The following MROH2B variants were observed in gnomAD, a reference collection of about 807,000 sequenced individuals.
MROH2B encodes the protein maestro heat like repeat family member 2B.
Under a neutral mutation model 208.6 loss-of-function variants are expected in MROH2B, and 177 were observed. The observed-to-expected ratio is 0.85, with a 90% CI of 0.75 to 0.96. The LOEUF (loss-of-function observed/expected upper bound fraction) is 0.96, where lower values mean the gene tolerates loss of function less well. MROH2B is among the 40% of genes least tolerant of loss of function. The pLI is 0.00. For synonymous variants in MROH2B, 728 were observed against 659.0 expected (o/e 1.10, Z -1.60); for missense variants, 2,002 against 1,878.7 (o/e 1.07, Z -1.21).
At position 41,009,335 on chromosome 5, in the gene MROH2B, AT is replaced by A; in HGVS notation, c.3364del (p.Ile1122Ter). 1 of 1,613,910 alleles carries A rather than the reference AT, an allele frequency of 6.2e-7. No individual in the cohort carries two copies. The highest frequency in any genetic ancestry group is 8.5e-7 in the Non-Finnish European group (1 of 1,179,808). ...ASSGKLLQAL[I>X]DKLETELEDD... is the part of the protein sequence containing the mutation. Reference sequence around the variant, plus strand: ...TTCTAACTCAGTCTCCAGTTTGTCTATTAAGGCTTGCAAGAGTTTCCCACTG... The same window carrying A: ...TTCTAACTCAGTCTCCAGTTTGTCTATAAGGCTTGCAAGAGTTTCCCACTG... On this transcript the variant is annotated frameshift_variant, in exon 32 of 42. Coordinates refer to ENST00000399564, the MANE Select transcript of MROH2B (RefSeq NM_173489.5). LOFTEE classifies it high-confidence loss of function.
intron 7 of MROH2B, among the ~76,000 whole-genome samples, chr5:41,057,862 A>C (rs995649332): frequency 1.3e-5 from 2 of 151,928 alleles, no homozygotes; most frequent in African/African-American, 4.8e-5. Flanking sequence ...CCAGGCCCAG[A>C]ATGAACGTTC....
At chr5:41,002,698 T>A (rs530538757) in intron 37 of MROH2B, among the ~76,000 whole-genome samples, 2 of 152,322 alleles carry the variant, frequency 1.3e-5, no homozygotes, top group Admixed American at 6.5e-5. Flanking sequence ...AGGTCTGAGC[T>A]AACAATCAGC....
At position 41,054,807 on chromosome 5, in the gene MROH2B, T is replaced by C; in HGVS notation, c.1067A>G (p.Glu356Gly). The change falls in exon 11 of 42, where the codon GAA (glutamate) becomes GGA (glycine). Residue 356 changes from glutamate to glycine, a missense_variant. By Grantham distance (98) the Glu-to-Gly change is moderately conservative. Coordinates refer to ENST00000399564, the MANE Select transcript of MROH2B (RefSeq NM_173489.5). The stretch of plus-strand genomic sequence containing the variant: ...ACCCATGACGATTTTGACTGTTCTT[T>C]CTATTGAAATGATGTGATCCCTCAA... ...PRLRDHIISIERTVKIVMGDL... is the reference protein window; with the variant it reads ...PRLRDHIISIGRTVKIVMGDL... 2 of 1,612,134 alleles carry C rather than the reference T, an allele frequency of 1.2e-6. No individual in the cohort carries two copies.
chr5:41,069,690 C>A lies in MROH2B; in HGVS notation c.90+1G>T. 6.2e-7 allele frequency: 1 copy of A among 1,600,314 alleles called. No individual in the cohort carries two copies. The highest frequency in any genetic ancestry group is 1.7e-5 in the Admixed American group (1 of 58,612). ...AAAAGATTTTTCTCTGTTTTCCCTA[C>A]CTTGTTAACAATATCTTCCTTGTTC... On this transcript the variant is annotated splice_donor_variant, in intron 2 of 41. Transcript: ENST00000399564. LOFTEE classifies it high-confidence loss of function.
At chr5:41,063,348 G>T (rs1743698246) in intron 5 of MROH2B, among the ~76,000 whole-genome samples, 1 of 152,144 alleles carries the variant, frequency 6.6e-6, no homozygotes, top group Admixed American at 6.5e-5. Flanking sequence ...GACAGTCTTG[G>T]CTCTGCCATG....
intron 18 of MROH2B, among the ~76,000 whole-genome samples, chr5:41,044,684 T>C (rs527344192): frequency 3.9e-5 from 6 of 152,210 alleles, no homozygotes; most frequent in Non-Finnish European, 8.8e-5. Context: ...GAATCAGTAC[T>C]CTGCACCAAA....
chr5:41,048,592 A>C (rs1229211352), intron 15 of MROH2B, 127 bp from the exon 16 acceptor site: 2 of 1,075,724 alleles, frequency 1.9e-6, no homozygotes, highest in African/African-American at 1.6e-5. Context: ...ACAAATCATC[A>C]CAGTCTATTC....
At position 41,059,415 on chromosome 5, in the gene MROH2B, A is replaced by T. The variant is rs374700040; in HGVS notation, c.616-1212T>A. 6.1e-4 allele frequency among the ~76,000 whole-genome samples: 93 copies of T among 152,328 alleles called. 3 individuals carry two copies. The South Asian group carries it at 0.019, about 31-fold the overall frequency. On this transcript the variant is annotated intron_variant, in intron 6 of 41. Transcript: ENST00000399564. ...TGACTTATTTCCTATGTTTTCCATG[A>T]ATTTTAATTTCTTAAAAATTGACAT... is the stretch of plus-strand genomic sequence containing the variant.
intron 21 of MROH2B, 113 bp downstream of exon 21, chr5:41,038,623 C>G (rs963124833): frequency 4.9e-6 from 5 of 1,027,432 alleles, no homozygotes; most frequent in Non-Finnish European, 6.9e-6. Context: ...TTTCACGTGG[C>G]TGATAAAAAC....
chr5:41,062,551 C>T (rs939403821), intron 5 of MROH2B, among the ~76,000 whole-genome samples: 1 of 152,144 alleles, frequency 6.6e-6, no homozygotes, highest in Admixed American at 6.5e-5. Context: ...GCCAAAATAC[C>T]ATTTGGGCCA....
Position 40,998,596 on chromosome 5 carries a change from C to T in MROH2B, c.4651+16G>A, listed in dbSNP as rs768035450. Reference sequence around the variant, plus strand: ...AATGTAACAATATGCTGGGAAGAAACTAGGTTGGTACTCACGTGTGGTCAG... The same window carrying T: ...AATGTAACAATATGCTGGGAAGAAATTAGGTTGGTACTCACGTGTGGTCAG... On this transcript the variant is annotated intron_variant, in intron 41 of 41. Coordinates refer to ENST00000399564, the MANE Select transcript of MROH2B (RefSeq NM_173489.5). 6.3e-7 allele frequency: 1 copy of T among 1,579,244 alleles called. No homozygotes were observed. Among genetic ancestry groups the T allele is most frequent in the South Asian group, 1.2e-5 (1 of 86,560 alleles).
At chr5:41,067,908 G>A (rs545321779) in intron 2 of MROH2B, among the ~76,000 whole-genome samples, 12 of 152,232 alleles carry the variant, frequency 7.9e-5, no homozygotes, top group Non-Finnish European at 1.3e-4. Context: ...ATGGTACTAG[G>A]GAACACACTG....
intron 11 of MROH2B, among the ~76,000 whole-genome samples, chr5:41,053,820 C>T (rs540176437): frequency 8.5e-5 from 13 of 152,248 alleles, no homozygotes; most frequent in South Asian, 4.1e-4. Flanking sequence ...CTATTTTAAA[C>T]ATAGTCACTG....
chr5:41,066,482 T>C (rs1743819267), intron 3 of MROH2B, among the ~76,000 whole-genome samples: 1 of 152,198 alleles, frequency 6.6e-6, no homozygotes, highest in South Asian at 2.1e-4. Flanking sequence ...GGTGAGACTC[T>C]GGTCATTCCA....
chr5:41,020,915 A>G (rs918418132), intron 24 of MROH2B, among the ~76,000 whole-genome samples: 6 of 152,220 alleles, frequency 3.9e-5, no homozygotes, highest in African/African-American at 1.4e-4. Context: ...TACAACTTCT[A>G]TTTAGCATAG....
intron 11 of MROH2B, among the ~76,000 whole-genome samples, chr5:41,054,527 C>T (rs553016195): frequency 6.6e-6 from 1 of 152,180 alleles, no homozygotes; most frequent in Non-Finnish European, 1.5e-5. Flanking sequence ...TGATTTCCTG[C>T]AATTATTTTA....
intron 15 of MROH2B, among the ~76,000 whole-genome samples, chr5:41,048,668 A>C (rs325862): frequency 6.6e-6 from 1 of 152,156 alleles, no homozygotes; most frequent in Non-Finnish European, 1.5e-5. Context: ...CCCTGAGGAT[A>C]AAGGTGAAAA....
At chr5:41,053,491 T>C (rs1002906353) in intron 11 of MROH2B, among the ~76,000 whole-genome samples, 73 of 152,310 alleles carry the variant, frequency 4.8e-4, no homozygotes, top group African/African-American at 1.7e-3. Context: ...ATTGTGTTGC[T>C]TCTCTGGAGG....
chr5:41,070,289 G>C (rs1365165567), intron 1 of MROH2B, among the ~76,000 whole-genome samples: 1 of 152,086 alleles, frequency 6.6e-6, no homozygotes, highest in Non-Finnish European at 1.5e-5. Flanking sequence ...AAATGTGTTT[G>C]ACTTGCATTT....
Sources: allele counts gnomAD v4.1 joint callset (sites outside exome capture counted in the v4.1 genomes callset), GRCh38; gene constraint gnomAD v4.1.1; transcripts MANE v1.5; gene names NCBI Gene and HGNC (gene_info 2026-07-23, HGNC 2026-07-21).